ANKS1B: variants seen among roughly 807,000 people sequenced by gnomAD.
The protein encoded by ANKS1B is ankyrin repeat and sterile alpha motif domain containing 1B.
Under a neutral mutation model 148.3 loss-of-function variants are expected in ANKS1B, and 36 were observed. That is an observed-to-expected ratio of 0.24 (90% CI 0.19 to 0.32). The LOEUF (loss-of-function observed/expected upper bound fraction) is 0.32, where lower values mean the gene tolerates loss of function less well. ANKS1B is among the 10% of genes least tolerant of loss of function. ANKS1B has a pLI of 1.00. For synonymous variants in ANKS1B, 542 were observed against 560.8 expected (o/e 0.97, Z 0.47); for missense variants, 1,157 against 1,542.6 (o/e 0.75, Z 4.19).
At chr12:99,659,427 T>C (rs2098465321) in intron 8 of ANKS1B, among the ~76,000 whole-genome samples, 1 of 152,098 alleles carries the variant, frequency 6.6e-6, no homozygotes, top group African/African-American at 2.4e-5. Context: ...CCTAAATCTA[T>C]ACAGTTTGAA....
At chr12:99,015,361 G>A (rs544053707) in intron 17 of ANKS1B, among the ~76,000 whole-genome samples, 4 of 152,188 alleles carry the variant, frequency 2.6e-5, no homozygotes, top group East Asian at 1.9e-4. Context: ...GGGGCCTTTC[G>A]GAGGGCAGAG....
chr12:99,148,415 ATTT>A (rs558527871), intron 15 of ANKS1B, among the ~76,000 whole-genome samples: 40 of 146,238 alleles, frequency 2.7e-4, no homozygotes, highest in African/African-American at 1.0e-3. Context: ...AATCATGGCA[ATTT>A]TTTTTTTTTT....
At chr12:99,666,895 T>TGTGTGTGTGTGTGG (rs374573568) in intron 8 of ANKS1B, among the ~76,000 whole-genome samples, 1 of 144,756 alleles carries the variant, frequency 6.9e-6, no homozygotes, top group Non-Finnish European at 1.5e-5. Context: ...TGTGTGTGTG[T>TGTGTGTGTGTGTGG]GGTGAGGACA....
chr12:98,836,436 T>C (rs2099363694), intron 17 of ANKS1B, among the ~76,000 whole-genome samples: 2 of 152,158 alleles, frequency 1.3e-5, no homozygotes, highest in Admixed American at 6.5e-5. Flanking sequence ...GTAGAGAGGG[T>C]GACAGTGGGC....
chr12:99,263,962 C>T (rs1211745509), intron 12 of ANKS1B, among the ~76,000 whole-genome samples: 1 of 152,124 alleles, frequency 6.6e-6, no homozygotes, highest in African/African-American at 2.4e-5. Flanking sequence ...GTCTTGCACA[C>T]CTTGGCTGGG....
chr12:99,630,436 T>C (rs183171400), intron 9 of ANKS1B, among the ~76,000 whole-genome samples: 3 of 152,220 alleles, frequency 2.0e-5, no homozygotes, highest in South Asian at 2.1e-4. Context: ...TTAGATATGA[T>C]TGAATAATAA....
intron 12 of ANKS1B, among the ~76,000 whole-genome samples, chr12:99,372,080 C>T (rs1208800648): frequency 1.3e-5 from 2 of 151,974 alleles, no homozygotes; most frequent in African/African-American, 2.4e-5. Context: ...TTTGTGTAAA[C>T]CCATAGAATG....
chr12:99,318,745 T>G (rs1328925397), intron 12 of ANKS1B, among the ~76,000 whole-genome samples: 1 of 152,184 alleles, frequency 6.6e-6, no homozygotes, highest in Non-Finnish European at 1.5e-5. Flanking sequence ...CTTCTCTAGT[T>G]CTTTTAATTG....
downstream of ANKS1B, among the ~76,000 whole-genome samples, chr12:98,742,545 T>A (rs1350871040): frequency 6.6e-6 from 1 of 152,254 alleles, no homozygotes; most frequent in Non-Finnish European, 1.5e-5. Context: ...GAGTTCTCAA[T>A]AAGTAGACCG....
intron 21 of ANKS1B, among the ~76,000 whole-genome samples, chr12:98,800,070 A>G (rs919380543): frequency 1.3e-5 from 2 of 152,066 alleles, no homozygotes; most frequent in African/African-American, 4.8e-5. Flanking sequence ...AGGGCCTTGG[A>G]GAAAGGCATG....
At chr12:98,840,445 T>A (rs1239717253) in intron 17 of ANKS1B, among the ~76,000 whole-genome samples, 2 of 151,496 alleles carry the variant, frequency 1.3e-5, no homozygotes, top group South Asian at 2.1e-4. Flanking sequence ...GGAAAAGAGG[T>A]TCCAAGTTAT....
At chr12:99,196,775 T>TC (rs2081434374) in intron 14 of ANKS1B, among the ~76,000 whole-genome samples, 1 of 151,934 alleles carries the variant, frequency 6.6e-6, no homozygotes, top group East Asian at 1.9e-4. Context: ...CCCTCTCCCC[T>TC]CCCCCAAGCT....
intron 9 of ANKS1B, among the ~76,000 whole-genome samples, chr12:99,608,318 T>C (rs969978458): frequency 5.3e-5 from 8 of 152,022 alleles, no homozygotes; most frequent in Non-Finnish European, 1.2e-4. Flanking sequence ...GGCTCCGAAA[T>C]TCCTTTGACC....
At chr12:98,786,936 A>G (rs1249914058) in intron 22 of ANKS1B, among the ~76,000 whole-genome samples, 1 of 152,192 alleles carries the variant, frequency 6.6e-6, no homozygotes, top group African/African-American at 2.4e-5. Flanking sequence ...CTTACAGTAT[A>G]TTTTTAACCT....
In ANKS1B at chr12:98,777,110, T is replaced by C. The variant is rs575905195; in HGVS notation, c.3442-3931A>G. ...CTGGAGGCTGAGGTTGGGGGATCAC[T>C]TGAGCCCAGGAGTTTGAGGTTACAG... On this transcript the variant is annotated intron_variant, in intron 24 of 26. Transcript: ENST00000683438. 3.9e-5 allele frequency among the ~76,000 whole-genome samples: 6 copies of C among 152,268 alleles called. No individual in the cohort carries two copies. In the South Asian group the frequency reaches 1.2e-3, roughly 32 times the overall value.
chr12:99,222,151 G>A (rs932748744), intron 14 of ANKS1B, among the ~76,000 whole-genome samples: 13 of 151,982 alleles, frequency 8.6e-5, no homozygotes, highest in Admixed American at 2.0e-4. Context: ...ATAAAGAGAG[G>A]AAAAATATAT....
intron 14 of ANKS1B, among the ~76,000 whole-genome samples, chr12:99,241,435 C>A (rs2089301822): frequency 6.6e-6 from 1 of 152,086 alleles, no homozygotes; most frequent in Non-Finnish European, 1.5e-5. Flanking sequence ...AAGTCCAGGA[C>A]AAGACAAATT....
chr12:99,964,797 A>G (rs1218243862), intron 1 of ANKS1B, among the ~76,000 whole-genome samples: 2 of 152,188 alleles, frequency 1.3e-5, no homozygotes, highest in Non-Finnish European at 2.9e-5. Flanking sequence ...AGAGTCAGAT[A>G]TGAAAAGGGT....
At chr12:99,240,843 A>G (rs2089162421) in intron 14 of ANKS1B, among the ~76,000 whole-genome samples, 1 of 152,254 alleles carries the variant, frequency 6.6e-6, no homozygotes, top group Non-Finnish European at 1.5e-5. Context: ...TGTTCTTTGA[A>G]ACCAATGAGA....
Sources: allele counts gnomAD v4.1 joint callset (sites outside exome capture counted in the v4.1 genomes callset), GRCh38; gene constraint gnomAD v4.1.1; transcripts MANE v1.5; gene names NCBI Gene and HGNC (gene_info 2026-07-23, HGNC 2026-07-21).